Variants in EYA1 observed in about 807,000 individuals in gnomAD.
EYA1 encodes EYA transcriptional coactivator and phosphatase 1.
A neutral mutation model predicts 82.0 loss-of-function variants in EYA1; 16 were observed. The ratio of observed to expected loss-of-function variants is 0.20; its 90% CI spans 0.13 to 0.30. The LOEUF (loss-of-function observed/expected upper bound fraction) is 0.30. Ranked by LOEUF, EYA1 falls within the 10% of genes least tolerant of loss-of-function variation. The pLI, the probability that EYA1 is intolerant of heterozygous loss-of-function variation, is 1.00. For missense variants in EYA1, 633 were observed against 730.7 expected (o/e 0.87, Z 1.54); for synonymous variants, 261 against 264.4 (o/e 0.99, Z 0.12).
intron 12 of EYA1, among the ~76,000 whole-genome samples, chr8:71,222,218 C>A (rs768436394): frequency 2.8e-4 from 43 of 152,128 alleles, no homozygotes; most frequent in Non-Finnish European, 5.6e-4. Flanking sequence ...GGATTCACTG[C>A]TGGTAACTCG....
intron 2 of EYA1, among the ~76,000 whole-genome samples, chr8:71,534,694 C>A (rs1282100287): frequency 6.6e-6 from 1 of 151,984 alleles, no homozygotes; most frequent in African/African-American, 2.4e-5. Flanking sequence ...TAAGTGGGAG[C>A]TGAACAATGA....
chr8:71,243,527 G>T (rs1312625572), intron 12 of EYA1, among the ~76,000 whole-genome samples: 4 of 151,516 alleles, frequency 2.6e-5, no homozygotes, highest in African/African-American at 7.2e-5. Context: ...CTAAGGAAGA[G>T]AAAAAATAAA....
At chr8:71,406,003 G>A (rs1830198069) in intron 2 of EYA1, among the ~76,000 whole-genome samples, 1 of 152,136 alleles carries the variant, frequency 6.6e-6, no homozygotes, top group Non-Finnish European at 1.5e-5. Context: ...ACAAAATCCA[G>A]ACTGTGGCAA....
At chr8:71,222,152 C>A (rs1329057689) in intron 12 of EYA1, among the ~76,000 whole-genome samples, 1 of 152,106 alleles carries the variant, frequency 6.6e-6, no homozygotes, top group East Asian at 1.9e-4. Flanking sequence ...CCTCATGCCC[C>A]CCAGTTGAAT....
intron 7 of EYA1, among the ~76,000 whole-genome samples, chr8:71,305,799 ATTTGTCC>A (rs1820673616): frequency 6.6e-6 from 1 of 152,136 alleles, no homozygotes; most frequent in African/African-American, 2.4e-5. Flanking sequence ...ATACAGCATT[ATTTGTCC>A]TTCCACTGCT....
intron 11 of EYA1, among the ~76,000 whole-genome samples, chr8:71,251,720 ATC>A (rs1404534336): frequency 1.2e-4 from 19 of 152,156 alleles, no homozygotes; most frequent in Non-Finnish European, 2.2e-4. Context: ...TTGCCTCAAG[ATC>A]TCTTTCTCTT....
chr8:71,339,869 C>T (rs1313444589), intron 3 of EYA1, among the ~76,000 whole-genome samples: 1 of 152,086 alleles, frequency 6.6e-6, no homozygotes, highest in Non-Finnish European at 1.5e-5. Flanking sequence ...TGCTTTTTCT[C>T]CAGGTTTTCT....
At chr8:71,333,673 C>A (rs942484258) in intron 4 of EYA1, among the ~76,000 whole-genome samples, 4 of 152,120 alleles carry the variant, frequency 2.6e-5, no homozygotes, top group Non-Finnish European at 5.9e-5. Context: ...TAATTTAGAT[C>A]TATAGTTGAT....
chr8:71,427,165 C>T (rs1382247197), intron 2 of EYA1, among the ~76,000 whole-genome samples: 3 of 152,140 alleles, frequency 2.0e-5, no homozygotes, highest in South Asian at 2.1e-4. Flanking sequence ...CTTGAAACAT[C>T]GCAATTTTTC....
At chr8:71,403,264 T>C (rs938090144) in intron 2 of EYA1, among the ~76,000 whole-genome samples, 2 of 152,100 alleles carry the variant, frequency 1.3e-5, no homozygotes, top group African/African-American at 4.8e-5. Flanking sequence ...GATCAGACAA[T>C]TGGCAGAAGA....
chr8:71,369,887 ATTAATTTTAT>A (rs1827982659), intron 2 of EYA1, among the ~76,000 whole-genome samples: 1 of 152,140 alleles, frequency 6.6e-6, no homozygotes, highest in Non-Finnish European at 1.5e-5. Flanking sequence ...TTATAGGAAC[ATTAATTTTAT>A]TTTATGTACA....
chr8:71,272,874 TTATTTTCCCTACGA>T (rs778605865), intron 9 of EYA1, among the ~76,000 whole-genome samples: 13,420 of 152,248 alleles, frequency 0.088, 1,051 homozygotes, highest in East Asian at 0.43. Flanking sequence ...TGAGGAATGA[TTATTTTCCCTACGA>T]TGTTGTTAAG....
intron 9 of EYA1, among the ~76,000 whole-genome samples, chr8:71,295,069 C>A (rs1203500112): frequency 6.6e-6 from 1 of 152,150 alleles, no homozygotes; most frequent in African/African-American, 2.4e-5. Flanking sequence ...GACCTTACAT[C>A]TTTCACAAAA....
chr8:71,520,813 T>C (rs1030366917), intron 2 of EYA1, among the ~76,000 whole-genome samples: 110 of 152,204 alleles, frequency 7.2e-4, no homozygotes, highest in African/African-American at 2.6e-3. Flanking sequence ...CATTCAAAAA[T>C]ATATGCGTGC....
At position 71,482,699 on chromosome 8, in the gene EYA1, AAAAGAATGAACTACTGAC is replaced by A. The variant is rs533344510; in HGVS notation, c.33+53027_33+53044del. 5.3e-5 allele frequency among the ~76,000 whole-genome samples: 8 copies of A among 152,364 alleles called. 1 individual carries two copies. Among genetic ancestry groups the A allele is most frequent in the Admixed American group, 5.2e-4 (8 of 15,306 alleles). Reference sequence around the variant, plus strand: ...TATAATGGAATACTACACAGCAATGAAAAGAATGAACTACTGACATACACGATAACATAGACAAAACTC... The same window carrying A: ...TATAATGGAATACTACACAGCAATGAATACACGATAACATAGACAAAACTC... On this transcript the variant is annotated intron_variant, in intron 2 of 18. Coordinates refer to the EYA1 transcript ENST00000643681.
chr8:71,368,898 T>A (rs1188778462), intron 2 of EYA1, among the ~76,000 whole-genome samples: 1 of 151,768 alleles, frequency 6.6e-6, no homozygotes, highest in Non-Finnish European at 1.5e-5. Flanking sequence ...CACATTAAGA[T>A]CTTCTTAAGG....
At position 71,420,236 on chromosome 8, in the gene EYA1, A is replaced by T. The variant is rs117645848; in HGVS notation, c.34-63725T>A. ...ATGCTAATGTTGCTATATTTGGCTA[A>T]TGGTCTGGGGATACTATACTGAAGA... On this transcript the variant is annotated intron_variant, in intron 2 of 18. Coordinates refer to the EYA1 transcript ENST00000643681. Among the ~76,000 whole-genome samples the T allele has an allele frequency of 9.3e-3, 1,409 of 152,310 alleles. 13 individuals are homozygous for T. The highest frequency in any genetic ancestry group is 0.029 in the South Asian group (138 of 4,822).
At chr8:71,488,534 C>T (rs1424626292) in intron 2 of EYA1, among the ~76,000 whole-genome samples, 2 of 152,098 alleles carry the variant, frequency 1.3e-5, no homozygotes, top group East Asian at 1.9e-4. Flanking sequence ...GAAGCACAGC[C>T]GATCAGTCGT....
At chr8:71,486,317 C>T (rs1325511798) in intron 2 of EYA1, among the ~76,000 whole-genome samples, 2 of 151,404 alleles carry the variant, frequency 1.3e-5, no homozygotes, top group Non-Finnish European at 2.9e-5. Context: ...TCCTGGGAGG[C>T]ACACAGAAGA....
Sources: gnomAD v4.1 joint callset for allele counts (sites outside exome capture counted in the v4.1 genomes callset) on GRCh38, gnomAD v4.1.1 for gene constraint, MANE v1.5 for transcripts, NCBI Gene and HGNC (gene_info 2026-07-23, HGNC 2026-07-21) for gene names.